SLC8A1: variants seen among roughly 807,000 people sequenced by gnomAD.
The protein encoded by SLC8A1 is sodium/calcium exchanger 1.
A neutral mutation model predicts 68.3 loss-of-function variants in SLC8A1; 18 were observed. The ratio of observed to expected loss-of-function variants is 0.26; its 90% CI spans 0.18 to 0.39. The LOEUF (loss-of-function observed/expected upper bound fraction) is 0.39, where lower values mean the gene tolerates loss of function less well. Ranked by LOEUF, SLC8A1 falls within the 10% of genes least tolerant of loss-of-function variation. The pLI, the probability that SLC8A1 is intolerant of heterozygous loss-of-function variation, is 1.00. For missense variants in SLC8A1, 985 were observed against 1,156.7 expected (o/e 0.85, Z 2.15); for synonymous variants, 475 against 415.5 (o/e 1.14, Z -1.74).
chr2:40,118,116 C>T (rs2035895086), intron 7 of SLC8A1, among the ~76,000 whole-genome samples: 1 of 152,194 alleles, frequency 6.6e-6, no homozygotes, highest in South Asian at 2.1e-4. Flanking sequence ...TCATTCACCC[C>T]TCTCACAAGC....
intron 1 of SLC8A1, among the ~76,000 whole-genome samples, chr2:40,449,050 C>A (rs1377208997): frequency 6.6e-6 from 1 of 151,596 alleles, no homozygotes; most frequent in Non-Finnish European, 1.5e-5. Context: ...TTGTTTATTG[C>A]CATATTTTTA....
At chr2:40,144,413 A>C (rs1283942383) in intron 6 of SLC8A1, among the ~76,000 whole-genome samples, 1 of 152,208 alleles carries the variant, frequency 6.6e-6, no homozygotes, top group African/African-American at 2.4e-5. Context: ...CACAGAATTT[A>C]AGTGACTGAG....
intron 2 of SLC8A1, among the ~76,000 whole-genome samples, chr2:40,225,122 T>C (rs971537958): frequency 1.3e-5 from 2 of 152,166 alleles, no homozygotes; most frequent in Non-Finnish European, 2.9e-5. Flanking sequence ...TATCCCACTT[T>C]ATCCTCTGAG....
chr2:40,135,012 G>A lies in SLC8A1; in HGVS notation c.2437+4389C>T, dbSNP rs193189470. 4.8e-3 allele frequency among the ~76,000 whole-genome samples: 729 copies of A among 152,284 alleles called. 18 individuals carry two copies. The highest frequency in any genetic ancestry group is 0.042 in the Admixed American group (642 of 15,302). ...ATATCATTTAAGATGAGATGTAATT[G>A]AAGACAAACAGCCAGTCTTGTGTAA... On this transcript the variant is annotated intron_variant, in intron 7 of 7. Coordinates refer to ENST00000406785, the Ensembl canonical transcript of SLC8A1.
At chr2:40,261,422 C>A (rs554528776) in intron 2 of SLC8A1, among the ~76,000 whole-genome samples, 2 of 152,310 alleles carry the variant, frequency 1.3e-5, no homozygotes, top group East Asian at 3.9e-4. Context: ...TTATTAGAAA[C>A]TGCTCGATTG....
intron 2 of SLC8A1, among the ~76,000 whole-genome samples, chr2:40,308,411 T>C (rs1465692031): frequency 6.6e-6 from 1 of 152,064 alleles, no homozygotes; most frequent in Non-Finnish European, 1.5e-5. Context: ...ACAGCAAAGG[T>C]GGAGTAGAAA....
At chr2:40,405,295 T>TA (rs1272481413) in intron 2 of SLC8A1, among the ~76,000 whole-genome samples, 1 of 152,208 alleles carries the variant, frequency 6.6e-6, no homozygotes, top group Non-Finnish European at 1.5e-5. Context: ...GACATACACC[T>TA]ACAATTGCTA....
At chr2:40,276,155 A>G (rs577900201) in intron 2 of SLC8A1, among the ~76,000 whole-genome samples, 1 of 152,186 alleles carries the variant, frequency 6.6e-6, no homozygotes, top group African/African-American at 2.4e-5. Context: ...ATCATTTGGG[A>G]AAACTGGAAT....
At chr2:40,238,860 G>C (rs1166227709) in intron 2 of SLC8A1, among the ~76,000 whole-genome samples, 2 of 151,902 alleles carry the variant, frequency 1.3e-5, no homozygotes, top group East Asian at 1.9e-4. Context: ...TAACAATGTA[G>C]GTACTTTGAT....
chr2:40,123,700 T>C (rs1352929733), intron 7 of SLC8A1, among the ~76,000 whole-genome samples: 1 of 152,232 alleles, frequency 6.6e-6, no homozygotes, highest in African/African-American at 2.4e-5. Flanking sequence ...CTTATTTTAA[T>C]AATGCAAAGT....
chr2:40,340,340 C>A (rs1667300778), intron 2 of SLC8A1, among the ~76,000 whole-genome samples: 1 of 152,122 alleles, frequency 6.6e-6, no homozygotes, highest in African/African-American at 2.4e-5. Context: ...GCAGGTGGAT[C>A]ACTTGAGGTC....
At chr2:40,201,483 A>G (rs1272322857) in intron 2 of SLC8A1, among the ~76,000 whole-genome samples, 1 of 151,954 alleles carries the variant, frequency 6.6e-6, no homozygotes, top group Non-Finnish European at 1.5e-5. Flanking sequence ...TTGATGATCA[A>G]CCACAGCAAA....
At chr2:40,361,182 G>A (rs778760412) in intron 2 of SLC8A1, among the ~76,000 whole-genome samples, 4 of 152,124 alleles carry the variant, frequency 2.6e-5, no homozygotes, top group Non-Finnish European at 5.9e-5. Flanking sequence ...GTTCATGAAT[G>A]GAGTTTAATG....
At chr2:40,294,432 T>C (rs2069938084) in intron 2 of SLC8A1, among the ~76,000 whole-genome samples, 1 of 152,182 alleles carries the variant, frequency 6.6e-6, no homozygotes, top group African/African-American at 2.4e-5. Flanking sequence ...ATTTAGTGGC[T>C]AAGCTAGGGT....
exon 8 of SLC8A1, chr2:40,102,430 G>T (rs2033951073): frequency 1.3e-5 from 2 of 151,684 alleles, no homozygotes; most frequent in African/African-American, 2.4e-5. Context: ...AGAAAAGAGT[G>T]AACAGAGGGA....
intron 2 of SLC8A1, among the ~76,000 whole-genome samples, chr2:40,261,139 A>C (rs1310366003): frequency 6.6e-6 from 1 of 152,188 alleles, no homozygotes; most frequent in African/African-American, 2.4e-5. Context: ...TGTAGTAGAA[A>C]GGCAGGTCAT....
At chr2:40,277,821 T>TACAC (rs1553469385) in intron 2 of SLC8A1, among the ~76,000 whole-genome samples, 5 of 137,378 alleles carry the variant, frequency 3.6e-5, no homozygotes, top group African/African-American at 1.3e-4. Context: ...TATATATATA[T>TACAC]ATATATATAT....
intron 2 of SLC8A1, among the ~76,000 whole-genome samples, chr2:40,369,820 G>GA (rs1677453316): frequency 6.6e-6 from 1 of 151,660 alleles, no homozygotes; most frequent in African/African-American, 2.4e-5. Flanking sequence ...TCTGAGAGCA[G>GA]AACACCATGA....
At chr2:40,172,667 G>T (rs1231806394) in intron 4 of SLC8A1, among the ~76,000 whole-genome samples, 1 of 152,188 alleles carries the variant, frequency 6.6e-6, no homozygotes, top group African/African-American at 2.4e-5. Flanking sequence ...TTTGGGCCAG[G>T]TGCGGTGGCT....
Sources: allele counts gnomAD v4.1 joint callset (sites outside exome capture counted in the v4.1 genomes callset), GRCh38; gene constraint gnomAD v4.1.1; transcripts MANE v1.5; gene names NCBI Gene and HGNC (gene_info 2026-07-23, HGNC 2026-07-21).